The following RPS16 variants were observed in gnomAD, a reference collection of about 807,000 sequenced individuals.
RPS16 encodes small ribosomal subunit protein uS9.
A neutral mutation model predicts 20.1 loss-of-function variants in RPS16; 2 were observed. The ratio of observed to expected loss-of-function variants is 0.10; its 90% CI spans 0.04 to 0.31. The LOEUF (loss-of-function observed/expected upper bound fraction) is 0.31. Ranked by LOEUF, RPS16 falls within the 10% of genes least tolerant of loss-of-function variation. The pLI is 1.00. For synonymous variants in RPS16, 95 were observed against 76.1 expected (o/e 1.25, Z -1.29); for missense variants, 129 against 198.6 (o/e 0.65, Z 2.11).
intron 2 of RPS16, chr19:39,434,557 C>T (rs542945243): frequency 6.6e-6 from 1 of 152,318 alleles, no homozygotes; most frequent in East Asian, 1.9e-4. Flanking sequence ...AAATTCTAGG[C>T]CAGGCATGGT....
Position 39,435,932 on chromosome 19 carries a change from C to G in RPS16, c.-37G>C, listed in dbSNP as rs1363564428. The G allele has an allele frequency of 6.2e-7, 1 of 1,601,984 alleles. No individual in the cohort carries two copies. Among genetic ancestry groups the G allele is most frequent in the Admixed American group, 1.7e-5 (1 of 60,010 alleles). ...TGGACTAGACAACCTCACCGCGCGG[C>G]GCCGCAACCGGAAAAGGAAAGCTAG... On this transcript the variant is annotated 5_prime_UTR_variant, in exon 1 of 5. Transcript: ENST00000251453.
At chr19:39,435,201 A>T in intron 2 of RPS16, 1 of 181,894 alleles carries the variant, frequency 5.5e-6, no homozygotes, top group South Asian at 9.9e-5. Context: ...CAAGAGGCTG[A>T]GGCAGGAGAA....
chr19:39,435,741 A>AGCTCCG (rs1568409451), intron 1 of RPS16, 33 bp from the exon 2 acceptor site: 2 of 1,610,148 alleles, frequency 1.2e-6, no homozygotes, highest in Admixed American at 3.3e-5. Flanking sequence ...GGGCCCCGTG[A>AGCTCCG]GCTCCGGCTC....
chr19:39,433,990 G>A (rs999699742), intron 2 of RPS16: 2 of 520,362 alleles, frequency 3.8e-6, no homozygotes, highest in African/African-American at 3.8e-5. Context: ...AAGGTAAAGG[G>A]AACAAGATCT....
At position 39,433,261 on chromosome 19, in the gene RPS16, G is replaced by C. The variant is rs1457023809; in HGVS notation, c.*12C>G. 6.2e-7 allele frequency: 1 copy of C among 1,612,100 alleles called. No individual in the cohort carries two copies. Among genetic ancestry groups the C allele is most frequent in the African/African-American group, 1.3e-5 (1 of 74,962 alleles). ...TGTTTATTATACAAGTGAGTTTTGA[G>C]TCACGATGGGCTTATCGGTAGGATT... On this transcript the variant is annotated 3_prime_UTR_variant, in exon 5 of 5. Transcript: ENST00000251453.
chr19:39,435,311 T>A (rs919626244), intron 2 of RPS16: 4 of 370,608 alleles, frequency 1.1e-5, no homozygotes, highest in South Asian at 1.0e-4. Context: ...AACAAATAAA[T>A]AAAATAAAAA....
In RPS16 at chr19:39,435,912, T is replaced by G; in HGVS notation, c.-17A>C. 1 of 1,603,712 alleles carries G rather than the reference T, an allele frequency of 6.2e-7. No individual in the cohort carries two copies. The highest frequency in any genetic ancestry group is 8.5e-7 in the Non-Finnish European group (1 of 1,179,932). On this transcript the variant is annotated 5_prime_UTR_variant, in exon 1 of 5. Coordinates refer to ENST00000251453, the MANE Select transcript of RPS16 (RefSeq NM_001020.6). Reference sequence around the variant, plus strand: ...GGACGGCATGGCTCCGAGCGTGGACTAGACAACCTCACCGCGCGGCGCCGC... The same window carrying G: ...GGACGGCATGGCTCCGAGCGTGGACGAGACAACCTCACCGCGCGGCGCCGC...
In RPS16 at chr19:39,433,601, G is replaced by A. The variant is rs1458174219; in HGVS notation, c.248-32C>T. On this transcript the variant is annotated intron_variant, in intron 3 of 4. Coordinates refer to ENST00000251453, the MANE Select transcript of RPS16 (RefSeq NM_001020.6). ...GAAAGACACACAATTAAAGGGTACA[G>A]GAGCGCTGTGAAGGCCTCCCTCCCA... 6.8e-6 allele frequency: 11 copies of A among 1,614,122 alleles called. No homozygotes were observed. In the Admixed American group the frequency reaches 1.3e-4, roughly 20 times the overall value.
Position 39,433,535 on chromosome 19 carries a change from G to C in RPS16, c.282C>G (p.Ala94=). The C allele has an allele frequency of 6.2e-7, 1 of 1,614,194 alleles. No homozygotes were observed. The highest frequency in any genetic ancestry group is 8.5e-7 in the Non-Finnish European group (1 of 1,180,028). The change falls in exon 4 of 5, where the codon GCC becomes GCG. Residue 94 remains alanine (A), a synonymous_variant. Transcript: ENST00000251453. ...ATGCTCACTCACATTTCTGGTAATA[G>C]GCCACCAGGGCTTTGGAGATGGACT... is the stretch of plus-strand genomic sequence containing the variant. ...IRQSISKALV[A]YYQKYVDEAS...
rs1308833459 is a variant in RPS16 at position 39,433,464 on chromosome 19, C to A, written c.296-46G>T. 3.1e-6 allele frequency: 5 copies of A among 1,612,876 alleles called. No homozygotes were observed. The Admixed American group carries it at 8.3e-5, about 27-fold the overall frequency. On this transcript the variant is annotated intron_variant, in intron 4 of 4. Transcript: ENST00000251453. ...GAGGATTTAGATAATCACACAGAGT[C>A]CTTGACTTGATCCCCACACACCCAT...
At chr19:39,435,760 A>G (rs756182235) in intron 1 of RPS16, 52 bp from the exon 2 acceptor site, 1 of 1,606,388 alleles carries the variant, frequency 6.2e-7, no homozygotes, top group South Asian at 1.1e-5. Flanking sequence ...TCCAGCTCCC[A>G]TGTTACCCCC....
At chr19:39,434,061 C>T in intron 2 of RPS16, 1 of 396,820 alleles carries the variant, frequency 2.5e-6, no homozygotes, top group South Asian at 2.3e-5. Flanking sequence ...AAGACTGGTT[C>T]TTAGAAGGCT....
chr19:39,434,806 ACT>A (rs2078850756), intron 2 of RPS16: 1 of 152,216 alleles, frequency 6.6e-6, no homozygotes, highest in Non-Finnish European at 1.5e-5. Flanking sequence ...ACAGCAAGAT[ACT>A]GTTTTTAAAA....
chr19:39,435,534 GCTTTCAAGAGCT>G (rs1481275861), intron 2 of RPS16, 61 bp downstream of exon 2: 6 of 1,287,390 alleles, frequency 4.7e-6, no homozygotes, highest in Non-Finnish European at 6.6e-6. Flanking sequence ...AGCCCCCCCA[GCTTTCAAGAGCT>G]ACAACATCTC....
At chr19:39,434,923 G>A in intron 2 of RPS16, 1 of 152,166 alleles carries the variant, frequency 6.6e-6, no homozygotes, top group East Asian at 1.9e-4. Context: ...TCAGACTCTG[G>A]TTTCTTTCCA....
intron 2 of RPS16, chr19:39,434,652 A>T (rs1197799523): frequency 6.6e-6 from 1 of 152,214 alleles, no homozygotes; most frequent in Non-Finnish European, 1.5e-5. Context: ...CCCCACGTCT[A>T]CAGAAAAATA....
intron 2 of RPS16, chr19:39,435,378 A>C: frequency 1.9e-6 from 1 of 519,638 alleles, no homozygotes. Context: ...TGAGCTTCCT[A>C]ACATCCCAGT....
intron 4 of RPS16, 42 bp downstream of exon 4, chr19:39,433,478 CCA>C: frequency 6.2e-7 from 1 of 1,612,928 alleles, no homozygotes; most frequent in Non-Finnish European, 8.5e-7. Flanking sequence ...GACTTGATCC[CCA>C]CACACCCATC....
chr19:39,433,604 G>A (rs998250016), intron 3 of RPS16, 35 bp from the exon 4 acceptor site: 4 of 1,614,216 alleles, frequency 2.5e-6, no homozygotes, highest in East Asian at 2.2e-5. Flanking sequence ...GGGTACAGGA[G>A]CGCTGTGAAG....
Sources: allele counts gnomAD v4.1 joint callset, GRCh38; gene constraint gnomAD v4.1.1; transcripts MANE v1.5; gene names NCBI Gene and HGNC (gene_info 2026-07-23, HGNC 2026-07-21).